The following GLDC variants were observed in gnomAD, a reference collection of about 807,000 sequenced individuals.
GLDC encodes glycine dehydrogenase (decarboxylating), mitochondrial.
A neutral mutation model predicts 121.3 loss-of-function variants in GLDC; 104 were observed. The ratio of observed to expected loss-of-function variants is 0.86; its 90% CI spans 0.73 to 1.01. The LOEUF (loss-of-function observed/expected upper bound fraction) is 1.01. GLDC is among the 50% of genes least tolerant of loss of function. The pLI, the probability that GLDC is intolerant of heterozygous loss-of-function variation, is 0.00. For missense variants in GLDC, 1,429 were observed against 1,306.6 expected, an observed-to-expected ratio of 1.09 and a Z score of -1.44; for synonymous variants, 546 against 480.6, an observed-to-expected ratio of 1.14 and a Z score of -1.78.
At position 6,558,650 on chromosome 9, in the gene GLDC, T is replaced by C; in HGVS notation, c.1961A>G (p.Asn654Ser). The C allele has an allele frequency of 6.2e-7, 1 of 1,614,176 alleles. No individual in the cohort carries two copies. Reference sequence around the variant, plus strand: ...GCCTGCCATGTGGGCACTTGCTGGGTTGGTCCCATGTGCTGATTTCGGAAT... The same window carrying C: ...GCCTGCCATGTGGGCACTTGCTGGGCTGGTCCCATGTGCTGATTTCGGAAT... ...CLIPKSAHGT[N>S]PASAHMAGMK... The change falls in exon 17 of 25, where the codon AAC becomes AGC. Residue 654 changes from asparagine (N) to serine (S), a missense_variant. By Grantham distance (46) the Asn-to-Ser change is conservative. Coordinates refer to ENST00000321612, the MANE Select transcript of GLDC (RefSeq NM_000170.3).
rs533317496 is a variant in GLDC, at chr9:6,640,066, T to C, written c.334+4548A>G. Among the ~76,000 whole-genome samples, 11 of 152,330 alleles carry C rather than the reference T, an allele frequency of 7.2e-5. No individual in the cohort carries two copies. In the East Asian group the frequency reaches 1.7e-3, roughly 24 times the overall value. On this transcript the variant is annotated intron_variant, in intron 2 of 24. Transcript: ENST00000321612. Reference sequence around the variant, plus strand: ...TAGTAAATCCTCAGACAGCTTCCCTTGTAAACAACCTCCAATCAGAACACA... The same window carrying C: ...TAGTAAATCCTCAGACAGCTTCCCTCGTAAACAACCTCCAATCAGAACACA...
intron 2 of GLDC, among the ~76,000 whole-genome samples, chr9:6,642,177 C>T (rs912782836): frequency 5.3e-5 from 8 of 152,086 alleles, no homozygotes; most frequent in African/African-American, 1.7e-4. Flanking sequence ...ATATTTTCTG[C>T]GTGAATCATC....
chr9:6,543,189 C>T (rs1325086699), intron 21 of GLDC, among the ~76,000 whole-genome samples: 3 of 152,012 alleles, frequency 2.0e-5, no homozygotes, highest in Non-Finnish European at 4.4e-5. Context: ...GTGGGAGAAT[C>T]GCTTGATCCC....
intron 2 of GLDC, among the ~76,000 whole-genome samples, chr9:6,630,932 C>G (rs1267455499): frequency 6.6e-6 from 1 of 152,214 alleles, no homozygotes; most frequent in East Asian, 1.9e-4. Context: ...GTCAAGTTTC[C>G]TCCCTGGGCA....
At chr9:6,612,828 C>A (rs1191304386) in intron 3 of GLDC, among the ~76,000 whole-genome samples, 1 of 152,134 alleles carries the variant, frequency 6.6e-6, no homozygotes. Context: ...TGCCACTGCA[C>A]TCCAGCCTGG....
At chr9:6,550,638 G>GATAAA (rs1014392149) in intron 21 of GLDC, among the ~76,000 whole-genome samples, 165 bp downstream of exon 21, 2 of 151,946 alleles carry the variant, frequency 1.3e-5, no homozygotes, top group Non-Finnish European at 2.9e-5. Flanking sequence ...AAAATAACAA[G>GATAAA]ATAAAATAAA....
At chr9:6,553,619 C>A (rs1817559743) in intron 19 of GLDC, 110 bp from the exon 20 acceptor site, 1 of 1,009,112 alleles carries the variant, frequency 9.9e-7, no homozygotes, top group African/African-American at 1.6e-5. Flanking sequence ...GGAGCTCTGA[C>A]AGTGGAAGGG....
intron 1 of GLDC, 121 bp downstream of exon 1, chr9:6,645,120 CGGGA>C (rs1819714700): frequency 1.0e-6 from 1 of 987,802 alleles, no homozygotes; most frequent in African/African-American, 1.6e-5. Context: ...CGCCACGGCC[CGGGA>C]CCCAGGGTGC....
At chr9:6,553,843 G>A (rs183618707) in intron 19 of GLDC, among the ~76,000 whole-genome samples, 93 of 152,156 alleles carry the variant, frequency 6.1e-4, no homozygotes, top group African/African-American at 2.1e-3. Flanking sequence ...TTCCCAAGAT[G>A]GACATAGGAG....
intron 21 of GLDC, chr9:6,542,305 A>C (rs10975637): frequency 0.16 from 23,811 of 152,284 alleles, 2,120 homozygotes; most frequent in East Asian, 0.3. Flanking sequence ...GTAGTGCCAT[A>C]ACAGCTCACT....
At chr9:6,609,240 C>A (rs948041711) in intron 4 of GLDC, among the ~76,000 whole-genome samples, 1 of 152,178 alleles carries the variant, frequency 6.6e-6, no homozygotes, top group Non-Finnish European at 1.5e-5. Context: ...CCAGAAATGG[C>A]TCTTCAGGAA....
chr9:6,561,480 C>T (rs1034783441), intron 16 of GLDC, among the ~76,000 whole-genome samples: 6 of 152,144 alleles, frequency 3.9e-5, no homozygotes, highest in African/African-American at 7.2e-5. Context: ...GAAACCCTGT[C>T]TCTAATAAAA....
At chr9:6,566,381 A>G (rs1817854735) in intron 15 of GLDC, 1 of 152,170 alleles carries the variant, frequency 6.6e-6, no homozygotes, top group South Asian at 2.1e-4. Flanking sequence ...AGGAAGACAC[A>G]CCTATGAGGT....
chr9:6,559,376 G>A (rs1817700447), intron 16 of GLDC, among the ~76,000 whole-genome samples: 1 of 151,918 alleles, frequency 6.6e-6, no homozygotes, highest in South Asian at 2.1e-4. Context: ...ATAGCTGGGT[G>A]TGGTGGTAGG....
At chr9:6,569,042 T>A (rs990335800) in intron 15 of GLDC, 1 of 152,056 alleles carries the variant, frequency 6.6e-6, no homozygotes, top group African/African-American at 2.4e-5. Flanking sequence ...ATAACAGGTA[T>A]AAGAGCCCAC....
intron 4 of GLDC, among the ~76,000 whole-genome samples, chr9:6,607,646 T>G (rs1818762708): frequency 6.6e-6 from 1 of 151,954 alleles, no homozygotes; most frequent in South Asian, 2.1e-4. Context: ...ATTTTTATTT[T>G]ATTTTTGGTG....
chr9:6,540,043 C>T lies in GLDC; in HGVS notation c.2665+8G>A, dbSNP rs761468673. ...TGGGCGGCGGCATGAATGTCAAAAG[C>T]CACTTACCATAATCCTGGAGTCTCT... On this transcript the variant is annotated splice_region_variant and intron_variant, in intron 22 of 24. Transcript: ENST00000321612. 1 of 1,581,598 alleles carries T rather than the reference C, an allele frequency of 6.3e-7. No individual in the cohort carries two copies. Among genetic ancestry groups the T allele is most frequent in the Admixed American group, 1.7e-5 (1 of 59,978 alleles).
At chr9:6,608,843 C>T (rs1239329010) in intron 4 of GLDC, among the ~76,000 whole-genome samples, 1 of 151,980 alleles carries the variant, frequency 6.6e-6, no homozygotes. Context: ...TAGCAAAAAG[C>T]TGAGAATAAT....
chr9:6,602,340 C>A, intron 7 of GLDC, 135 bp from the exon 8 acceptor site: 3 of 673,540 alleles, frequency 4.5e-6, no homozygotes, highest in Non-Finnish European at 8.2e-6. Flanking sequence ...TATAAAGAAA[C>A]AATTTCTAAA....
Sources: allele counts gnomAD v4.1 joint callset (sites outside exome capture counted in the v4.1 genomes callset), GRCh38; gene constraint gnomAD v4.1.1; transcripts MANE v1.5; gene names NCBI Gene and HGNC (gene_info 2026-07-23, HGNC 2026-07-21).